The following ENTREP2 variants were observed in gnomAD, a reference collection of about 807,000 sequenced individuals.
ENTREP2 encodes the protein protein ENTREP2.
the ENTREP2 span, among the ~76,000 whole-genome samples, chr15:29,563,107 C>T: frequency 1.6e-4 from 24 of 152,248 alleles, 1 homozygote; most frequent in South Asian, 3.9e-3. Flanking sequence ...TTCTCCTTAT[C>T]TTTAAAATCC....
At chr15:29,256,137 G>A in the ENTREP2 span, among the ~76,000 whole-genome samples, 14 of 152,168 alleles carry the variant, frequency 9.2e-5, no homozygotes, top group East Asian at 2.7e-3. Context: ...GCTAAACTTT[G>A]GGTACACACA....
the ENTREP2 span, among the ~76,000 whole-genome samples, chr15:29,221,749 T>A: frequency 6.6e-6 from 1 of 152,142 alleles, no homozygotes; most frequent in South Asian, 2.1e-4. Flanking sequence ...AGCTCCACTT[T>A]GCTGACAGAA....
At chr15:29,582,849 T>C in the ENTREP2 span, among the ~76,000 whole-genome samples, 1 of 151,972 alleles carries the variant, frequency 6.6e-6, no homozygotes. Context: ...ATGGGGTTTC[T>C]CCATGTTGGT....
the ENTREP2 span, among the ~76,000 whole-genome samples, chr15:29,171,109 CAT>C: frequency 3.3e-5 from 5 of 152,202 alleles, no homozygotes; most frequent in African/African-American, 1.2e-4. Flanking sequence ...ACAATCCATA[CAT>C]GAGTGCTCCA....
the ENTREP2 span, among the ~76,000 whole-genome samples, chr15:29,241,200 G>C: frequency 6.6e-6 from 1 of 152,118 alleles, no homozygotes; most frequent in African/African-American, 2.4e-5. Context: ...TCAGGCCTGC[G>C]ATAGCAAAAC....
chr15:29,650,601 C>CA, the ENTREP2 span, among the ~76,000 whole-genome samples: 1 of 146,552 alleles, frequency 6.8e-6, no homozygotes, highest in African/African-American at 2.6e-5. Context: ...TCAAAAAAAA[C>CA]AAAAAACAAA....
chr15:29,533,595 G>A, the ENTREP2 span, among the ~76,000 whole-genome samples: 1 of 152,024 alleles, frequency 6.6e-6, no homozygotes, highest in African/African-American at 2.4e-5. Context: ...AGAAAATTTG[G>A]CAAACGGTCC....
At chr15:29,118,653 G>A in the ENTREP2 span, among the ~76,000 whole-genome samples, 1 of 152,218 alleles carries the variant, frequency 6.6e-6, no homozygotes, top group African/African-American at 2.4e-5. Flanking sequence ...GGAGCCTTGG[G>A]CTTCTTCAGA....
chr15:29,444,881 A>C, the ENTREP2 span, among the ~76,000 whole-genome samples: 1 of 152,310 alleles, frequency 6.6e-6, no homozygotes, highest in Non-Finnish European at 1.5e-5. Flanking sequence ...GTCCACGGCC[A>C]CTCAGGCTGA....
chr15:29,650,608 C>CTGAAAA, the ENTREP2 span, among the ~76,000 whole-genome samples: 1 of 143,866 alleles, frequency 7.0e-6, no homozygotes, highest in Non-Finnish European at 1.5e-5. Context: ...AAACAAAAAA[C>CTGAAAA]AAAAAAAAAA....
the ENTREP2 span, among the ~76,000 whole-genome samples, chr15:29,479,509 T>C: frequency 6.6e-6 from 1 of 151,974 alleles, no homozygotes; most frequent in Non-Finnish European, 1.5e-5. Context: ...ACATCAGTGC[T>C]CCGGAACCAG....
the ENTREP2 span, among the ~76,000 whole-genome samples, chr15:29,524,219 T>A: frequency 3.9e-5 from 6 of 152,174 alleles, no homozygotes; most frequent in Admixed American, 1.3e-4. Flanking sequence ...AGGATTTGCA[T>A]AGACATTTCT....
the ENTREP2 span, among the ~76,000 whole-genome samples, chr15:29,573,624 CTCTCT>C: frequency 4.1e-5 from 6 of 145,748 alleles, no homozygotes; most frequent in Middle Eastern, 3.5e-3. Context: ...CTTTCTCTCT[CTCTCT>C]TCTCTCTCTC....
chr15:29,591,885 GAAGAAGAAGAA>G, the ENTREP2 span, among the ~76,000 whole-genome samples: 1 of 72,048 alleles, frequency 1.4e-5, no homozygotes, highest in African/African-American at 4.7e-5. Context: ...AGAAGAAGAA[GAAGAAGAAGAA>G]GAGAGAAAAC....
At chr15:29,159,764 CA>C in the ENTREP2 span, among the ~76,000 whole-genome samples, 1 of 152,188 alleles carries the variant, frequency 6.6e-6, no homozygotes, top group Admixed American at 6.5e-5. Flanking sequence ...GGTGTGTTTA[CA>C]AACCTTGAGC....
the ENTREP2 span, among the ~76,000 whole-genome samples, chr15:29,674,131 G>GGC: frequency 1.4e-4 from 20 of 139,404 alleles, 1 homozygote; most frequent in African/African-American, 8.8e-5. Flanking sequence ...CAGAGGATGG[G>GGC]GGGGGGGGGG....
At chr15:29,453,483 C>T in the ENTREP2 span, among the ~76,000 whole-genome samples, 5 of 152,224 alleles carry the variant, frequency 3.3e-5, no homozygotes, top group African/African-American at 9.6e-5. Flanking sequence ...CACAGAAGGC[C>T]TGGGGAGGAC....
At chr15:29,369,327 G>C in the ENTREP2 span, among the ~76,000 whole-genome samples, 1 of 152,060 alleles carries the variant, frequency 6.6e-6, no homozygotes, top group Non-Finnish European at 1.5e-5. Flanking sequence ...GAAGCTTGAA[G>C]GCAAAAGATC....
the ENTREP2 span, among the ~76,000 whole-genome samples, chr15:29,256,180 C>T: frequency 6.6e-6 from 1 of 152,106 alleles, no homozygotes; most frequent in South Asian, 2.1e-4. Flanking sequence ...GCACTGAGGA[C>T]TCCAACCGGA....
Sources: allele counts gnomAD v4.1 joint callset (sites outside exome capture counted in the v4.1 genomes callset), GRCh38; gene constraint gnomAD v4.1.1; transcripts MANE v1.5; gene names NCBI Gene and HGNC (gene_info 2026-07-23, HGNC 2026-07-21).